TNIP3: variants seen among roughly 807,000 people sequenced by gnomAD.
The protein encoded by TNIP3 is TNFAIP3 interacting protein 3.
TNIP3 carries 34 observed loss-of-function variants against 54.1 expected under a neutral mutation model. The ratio of observed to expected loss-of-function variants is 0.63; its 90% CI spans 0.48 to 0.84. The LOEUF is 0.84. Among genes scored for constraint, TNIP3 ranks in the 40% least tolerant of loss-of-function variants. TNIP3 has a pLI of 0.00. For synonymous variants in TNIP3, 134 were observed against 136.8 expected (o/e 0.98, Z 0.14); for missense variants, 366 against 387.6 (o/e 0.94, Z 0.47).
At chr4:121,157,367 T>C (rs1172897869) in intron 3 of TNIP3, 124 bp from the exon 4 acceptor site, 1 of 1,211,820 alleles carries the variant, frequency 8.3e-7, no homozygotes, top group African/African-American at 1.5e-5. Flanking sequence ...TAAGGAGAGG[T>C]TCTAGCTCCC....
At chr4:121,172,579 A>G (rs1724035594) in intron 3 of TNIP3, among the ~76,000 whole-genome samples, 1 of 152,246 alleles carries the variant, frequency 6.6e-6, no homozygotes, top group Admixed American at 6.5e-5. Context: ...CAGATAGACA[A>G]CAATTTTTTG....
At chr4:121,217,284 G>T (rs555933058), upstream of TNIP3, among the ~76,000 whole-genome samples, 6 of 152,200 alleles carry the variant, frequency 3.9e-5, no homozygotes, top group African/African-American at 1.4e-4. Flanking sequence ...GAACCCATCA[G>T]AAAATTTAGG....
At chr4:121,196,665 T>C (rs570982283) in intron 2 of TNIP3, among the ~76,000 whole-genome samples, 21 of 152,064 alleles carry the variant, frequency 1.4e-4, no homozygotes, top group African/African-American at 4.1e-4. Context: ...CAAAGATAAC[T>C]ATAAATATTT....
At chr4:121,167,234 C>G (rs938345132), upstream of TNIP3, among the ~76,000 whole-genome samples, 2 of 151,966 alleles carry the variant, frequency 1.3e-5, no homozygotes, top group Admixed American at 1.3e-4. Flanking sequence ...TGTACACACA[C>G]ATACATATGT....
At chr4:121,154,709 A>C (rs1729979505) in intron 4 of TNIP3, 30 bp from the exon 5 acceptor site, 2 of 1,558,782 alleles carry the variant, frequency 1.3e-6, no homozygotes, top group Non-Finnish European at 1.7e-6. Flanking sequence ...AAGAAAATAA[A>C]AGTCAGTACA....
upstream of TNIP3, among the ~76,000 whole-genome samples, chr4:121,167,417 G>A (rs114247097): frequency 1.6e-3 from 240 of 152,214 alleles, 2 homozygotes; most frequent in African/African-American, 5.4e-3. Context: ...GGCCTTGAAG[G>A]GTAGATAGGA....
intron 1 of TNIP3, among the ~76,000 whole-genome samples, chr4:121,162,396 A>G (rs569038660): frequency 6.6e-6 from 1 of 152,334 alleles, no homozygotes; most frequent in African/African-American, 2.4e-5. Context: ...CTGTGGGTCA[A>G]TAAATTCTGA....
chr4:121,216,534 A>C (rs1357447973), intron 1 of TNIP3: 1 of 1,534,462 alleles, frequency 6.5e-7, no homozygotes, highest in Admixed American at 2.0e-5. Flanking sequence ...CATGAGGCTC[A>C]GATGTACGTC....
At chr4:121,184,792 T>A (rs992185935) in intron 2 of TNIP3, among the ~76,000 whole-genome samples, 1 of 152,222 alleles carries the variant, frequency 6.6e-6, no homozygotes, top group East Asian at 1.9e-4. Flanking sequence ...TTGTAAAATA[T>A]GGGCTACTGG....
chr4:121,208,096 C>T (rs1042789935), intron 2 of TNIP3, among the ~76,000 whole-genome samples: 1 of 152,160 alleles, frequency 6.6e-6, no homozygotes, highest in Admixed American at 6.5e-5. Flanking sequence ...TCCAATTAAA[C>T]TTCTTTTTCT....
intron 6 of TNIP3, among the ~76,000 whole-genome samples, chr4:121,147,599 C>T (rs561696814): frequency 2.4e-4 from 37 of 152,270 alleles, no homozygotes; most frequent in African/African-American, 8.9e-4. Flanking sequence ...TCTTGAGAGG[C>T]ACTCCAAATA....
At chr4:121,158,212 A>G (rs1311177855) in intron 3 of TNIP3, among the ~76,000 whole-genome samples, 2 of 152,226 alleles carry the variant, frequency 1.3e-5, no homozygotes, top group African/African-American at 4.8e-5. Flanking sequence ...TAGATGGAAG[A>G]GGAGGTTGCT....
chr4:121,197,410 C>G (rs1385368960), intron 2 of TNIP3, among the ~76,000 whole-genome samples: 2 of 151,720 alleles, frequency 1.3e-5, no homozygotes, highest in Non-Finnish European at 2.9e-5. Flanking sequence ...TGCCTGTAGT[C>G]CCAGCTACTT....
At chr4:121,138,754 T>G (rs773662023) in intron 9 of TNIP3, 70 bp from the exon 10 acceptor site, 582 of 1,383,422 alleles carry the variant, frequency 4.2e-4, no homozygotes, top group Admixed American at 5.6e-4. Context: ...AAAAATACAA[T>G]TAGGCTATGT....
At chr4:121,133,393 G>C (rs1407245797) in intron 10 of TNIP3, among the ~76,000 whole-genome samples, 1 of 152,162 alleles carries the variant, frequency 6.6e-6, no homozygotes, top group African/African-American at 2.4e-5. Flanking sequence ...TTTCCAGGCT[G>C]AAAAATTATG....
chr4:121,226,950 T>G (rs559041006), intron 1 of TNIP3, among the ~76,000 whole-genome samples: 2 of 147,214 alleles, frequency 1.4e-5, no homozygotes, highest in African/African-American at 5.0e-5. Flanking sequence ...GCTCATTGCT[T>G]AATCAAGATT....
At chr4:121,169,388 C>T (rs1014014678) in intron 3 of TNIP3, among the ~76,000 whole-genome samples, 1 of 152,124 alleles carries the variant, frequency 6.6e-6, no homozygotes, top group Non-Finnish European at 1.5e-5. Context: ...TTTACTTGGC[C>T]TCCCAATTTA....
chr4:121,153,680 C>T (rs1461685571), intron 5 of TNIP3, among the ~76,000 whole-genome samples: 1 of 152,178 alleles, frequency 6.6e-6, no homozygotes, highest in African/African-American at 2.4e-5. Flanking sequence ...TATGCAGGCA[C>T]ATACTTAATA....
intron 5 of TNIP3, among the ~76,000 whole-genome samples, chr4:121,153,470 G>T (rs2148808765): frequency 6.6e-6 from 1 of 152,134 alleles, no homozygotes; most frequent in African/African-American, 2.4e-5. Context: ...ATGCATTTGT[G>T]CAACATTTTC....
Sources: gnomAD v4.1 joint callset for allele counts (sites outside exome capture counted in the v4.1 genomes callset) on GRCh38, gnomAD v4.1.1 for gene constraint, MANE v1.5 for transcripts, NCBI Gene and HGNC (gene_info 2026-07-23, HGNC 2026-07-21) for gene names.